The following COQ8A variants were observed in gnomAD, a reference collection of about 807,000 sequenced individuals.
COQ8A encodes coenzyme Q8A.
In COQ8A, 51 loss-of-function variants were observed where a neutral mutation model predicts 65.0. The observed-to-expected ratio is 0.78, with a 90% CI of 0.63 to 0.99. The LOEUF (loss-of-function observed/expected upper bound fraction) is 0.99. COQ8A is among the 50% of genes least tolerant of loss of function. COQ8A has a pLI of 0.00. For missense variants in COQ8A, 940 were observed against 875.0 expected, an observed-to-expected ratio of 1.07 and a Z score of -0.94; for synonymous variants, 371 against 353.2, an observed-to-expected ratio of 1.05 and a Z score of -0.57.
chr1:226,947,325 A>ATCAAG (rs1657099536), intron 1 of COQ8A, among the ~76,000 whole-genome samples: 1 of 152,192 alleles, frequency 6.6e-6, no homozygotes, highest in Non-Finnish European at 1.5e-5. Flanking sequence ...GAGATTGCTC[A>ATCAAG]GCCTTGATGA....
chr1:226,986,867 C>A lies in COQ8A; in HGVS notation c.*130C>A. The A allele has an allele frequency of 8.5e-7, 1 of 1,180,984 alleles. No individual in the cohort carries two copies. The highest frequency in any genetic ancestry group is 1.2e-6 in the Non-Finnish European group (1 of 835,240). The allele number at this position is 1,180,984 out of a possible 1,614,324, so 73.2% of individuals were successfully genotyped here. A position where few individuals can be genotyped will look rare whatever the true frequency, so the allele number is the denominator to read the frequency against. ...AATAAGGGGGGTGGCTGCCTGGAGC[C>A]CCGTAGCCAGCGCTTTCCACGGTTT... On this transcript the variant is annotated 3_prime_UTR_variant, in exon 15 of 15. Transcript: ENST00000366777.
rs183911703 is a variant in COQ8A at position 226,981,953 on chromosome 1, G to T, written c.731-74G>T. ...AAGGACATTGTCTGAGCCTCCGTCT[G>T]TATCAGGTGGGGCTTGCCATCCCAC... is the stretch of plus-strand genomic sequence containing the variant. On this transcript the variant is annotated intron_variant, in intron 5 of 14. Transcript: ENST00000366777. 2,345 of 1,603,788 alleles carry T rather than the reference G, an allele frequency of 1.5e-3. 3 individuals are homozygous for T. Among genetic ancestry groups the T allele is most frequent in the Non-Finnish European group, 1.8e-3 (2,072 of 1,171,914 alleles).
intron 1 of COQ8A, among the ~76,000 whole-genome samples, chr1:226,955,330 C>T (rs180728611): frequency 6.6e-6 from 1 of 151,992 alleles, no homozygotes; most frequent in Admixed American, 6.6e-5. Context: ...CTGACTCCCA[C>T]TCTCCCTGGC....
At chr1:226,941,087 C>G (rs1572006323) in intron 1 of COQ8A, among the ~76,000 whole-genome samples, 1 of 152,198 alleles carries the variant, frequency 6.6e-6, no homozygotes, top group Admixed American at 6.5e-5. Context: ...GGTAACAGCC[C>G]CTCTGCCAAA....
chr1:226,977,076 G>A (rs984241682), intron 4 of COQ8A, among the ~76,000 whole-genome samples: 1 of 152,142 alleles, frequency 6.6e-6, no homozygotes, highest in Non-Finnish European at 1.5e-5. Context: ...CTGTGTGGTC[G>A]GGGTGACGTT....
intron 1 of COQ8A, among the ~76,000 whole-genome samples, chr1:226,945,592 T>C (rs1056500539): frequency 2.0e-4 from 30 of 151,370 alleles, no homozygotes; most frequent in Non-Finnish European, 3.7e-4. Context: ...GAAAAAATCC[T>C]GTGGCTCTTG....
chr1:226,985,070 A>T, intron 13 of COQ8A, 129 bp downstream of exon 13: 2 of 1,340,400 alleles, frequency 1.5e-6, no homozygotes, highest in South Asian at 2.4e-5. Flanking sequence ...CCTGCCCCTC[A>T]GGTCTGGTGA....
chr1:226,962,528 T>C (rs1658312861), intron 2 of COQ8A, among the ~76,000 whole-genome samples: 1 of 152,150 alleles, frequency 6.6e-6, no homozygotes, highest in African/African-American at 2.4e-5. Flanking sequence ...TGTGCACCTG[T>C]GTGTGTGCGC....
At chr1:226,962,094 A>G (rs1227665040) in intron 2 of COQ8A, among the ~76,000 whole-genome samples, 2 of 152,180 alleles carry the variant, frequency 1.3e-5, no homozygotes, top group Non-Finnish European at 2.9e-5. Flanking sequence ...ACTGGGGCCC[A>G]TGTGTCCATC....
rs1271428051 is a variant in COQ8A, at chr1:226,984,194, CT to C, written c.1358del (p.Leu453ArgfsTer24). 11 of 1,613,694 alleles carry C rather than the reference CT, an allele frequency of 6.8e-6. No individual in the cohort carries two copies. The highest frequency in any genetic ancestry group is 1.7e-5 in the Admixed American group (1 of 59,998). On this transcript the variant is annotated frameshift_variant, in exon 11 of 15. Transcript: ENST00000366777. LOFTEE classifies it high-confidence loss of function. Reference protein sequence around the residue: ...LTTELVSGFPLDQAEGLSQEI... With the variant: ...LTTELVSGFPXDQAEGLSQEI... ...CACAGAGCTGGTGTCTGGCTTCCCCCTGGACCAGGCCGAAGGGCTCAGCCAG... is the reference window on the plus strand; with the variant it reads ...CACAGAGCTGGTGTCTGGCTTCCCCCGGACCAGGCCGAAGGGCTCAGCCAG...
intron 14 of COQ8A, 147 bp downstream of exon 14, chr1:226,985,487 C>T (rs978495227): frequency 4.7e-6 from 4 of 852,632 alleles, no homozygotes; most frequent in African/African-American, 3.4e-5. Flanking sequence ...AGCTGGGGCC[C>T]ACCCCGGCCC....
intron 1 of COQ8A, among the ~76,000 whole-genome samples, chr1:226,944,712 A>G: frequency 1.6e-5 from 1 of 61,592 alleles, no homozygotes; most frequent in East Asian, 4.7e-4. Flanking sequence ...AGAGAGAGAG[A>G]GAGAGAGAGA....
chr1:226,960,103 TTGG>T lies in COQ8A; in HGVS notation c.-9-1260_-9-1258del, dbSNP rs765028878. On this transcript the variant is annotated intron_variant, in intron 1 of 14. Coordinates refer to ENST00000366777, the MANE Select transcript of COQ8A (RefSeq NM_020247.5). ...TTGGTGGTGGTGGTGGTGATGGTAC[TTGG>T]TGGTGGTGGTGGTAGTGGTACTTGG... Among the ~76,000 whole-genome samples, 889 of 137,792 alleles carry T rather than the reference TTGG, an allele frequency of 6.5e-3. 23 individuals are homozygous for T. Among genetic ancestry groups the T allele is most frequent in the African/African-American group, 0.023 (806 of 35,542 alleles). The allele number at this position is 137,792 out of a possible 152,430, so 90.4% of individuals were successfully genotyped here.
Position 226,986,375 on chromosome 1 carries a change from C to T in COQ8A, c.1660-78C>T, listed in dbSNP as rs575893460. ...AGCTTTGAATGAGAACTCAGCGCCC[C>T]GGGCACTGTGGGAGGAACCCGGGCT... On this transcript the variant is annotated intron_variant, in intron 14 of 14. Transcript: ENST00000366777. 4.4e-4 allele frequency: 666 copies of T among 1,517,616 alleles called. 4 individuals are homozygous for T. Among genetic ancestry groups the T allele is most frequent in the Middle Eastern group, 4.2e-3 (24 of 5,702 alleles). The allele number at this position is 1,517,616 out of a possible 1,614,324, so 94.0% of individuals were successfully genotyped here. A position where few individuals can be genotyped will look rare whatever the true frequency, so the allele number is the denominator to read the frequency against.
intron 1 of COQ8A, among the ~76,000 whole-genome samples, chr1:226,943,895 A>G (rs1038022171): frequency 3.3e-5 from 5 of 152,076 alleles, no homozygotes; most frequent in Non-Finnish European, 7.4e-5. Context: ...TGTGTGTGTA[A>G]CTTGGTTTGT....
intron 5 of COQ8A, among the ~76,000 whole-genome samples, chr1:226,978,223 T>G (rs1659388441): frequency 1.1e-5 from 1 of 93,040 alleles, no homozygotes; most frequent in Non-Finnish European, 2.5e-5. Flanking sequence ...TTACACACCC[T>G]CTACACACCC....
chr1:226,985,112 G>C (rs1008860101), intron 13 of COQ8A, 142 bp from the exon 14 acceptor site: 5 of 1,249,224 alleles, frequency 4.0e-6, no homozygotes, highest in Admixed American at 1.7e-5. Flanking sequence ...GCTGCCAGGC[G>C]TGGTGTCACA....
Position 226,986,806 on chromosome 1 carries a change from G to C in COQ8A, c.*69G>C. On this transcript the variant is annotated 3_prime_UTR_variant, in exon 15 of 15. Transcript: ENST00000366777. Reference sequence around the variant, plus strand: ...CTCAGACAGGCCAAAAACCAGTAGCGAGGTCGTGGTGATGCTCTTTTTAAC... The same window carrying C: ...CTCAGACAGGCCAAAAACCAGTAGCCAGGTCGTGGTGATGCTCTTTTTAAC... 6.4e-7 allele frequency: 1 copy of C among 1,557,292 alleles called. No individual in the cohort carries two copies. Among genetic ancestry groups the C allele is most frequent in the South Asian group, 1.2e-5 (1 of 86,772 alleles).
Position 226,977,474 on chromosome 1 carries a change from G to T in COQ8A, c.681G>T (p.Gly227=). The T allele has an allele frequency of 1.3e-6, 2 of 1,567,150 alleles. No individual in the cohort carries two copies. The highest frequency in any genetic ancestry group is 1.7e-6 in the Non-Finnish European group (2 of 1,156,172). ...GTCTGGCCGTGGGCCTGGGCTTCGG[G>T]GCACTGGCAGAGGTCGCCAAGAAGA... ...FGGLAVGLGF[G]ALAEVAKKSL... is the part of the protein sequence containing the mutation. Residue 227 remains glycine, a synonymous_variant, in exon 5 of 15, where the codon GGG becomes GGT. Coordinates refer to ENST00000366777, the MANE Select transcript of COQ8A (RefSeq NM_020247.5).
Sources: allele counts gnomAD v4.1 joint callset (sites outside exome capture counted in the v4.1 genomes callset), GRCh38; gene constraint gnomAD v4.1.1; transcripts MANE v1.5; gene names NCBI Gene and HGNC (gene_info 2026-07-23, HGNC 2026-07-21).